CSMD3: variants seen among roughly 807,000 people sequenced by gnomAD.
CSMD3 encodes the protein CUB and sushi domain-containing protein 3.
CSMD3 carries 177 observed loss-of-function variants against 435.2 expected under a neutral mutation model. That is an observed-to-expected ratio of 0.41 (90% CI 0.36 to 0.46). CSMD3 has a LOEUF of 0.46. Among genes scored for constraint, CSMD3 ranks in the 20% least tolerant of loss-of-function variants. The pLI, the probability that CSMD3 is intolerant of heterozygous loss-of-function variation, is 0.34. For synonymous variants in CSMD3, 1,656 were observed against 1,520.5 expected, an observed-to-expected ratio of 1.09 and a Z score of -2.07; for missense variants, 4,265 against 4,504.6, an observed-to-expected ratio of 0.95 and a Z score of 1.52.
At chr8:113,320,823 G>C (rs118055737) in intron 1 of CSMD3, among the ~76,000 whole-genome samples, 2 of 151,992 alleles carry the variant, frequency 1.3e-5, no homozygotes, top group Non-Finnish European at 2.9e-5. Context: ...AGCAACCACA[G>C]ATATAGCTGT....
chr8:113,403,902 T>C (rs1391447259), intron 1 of CSMD3, among the ~76,000 whole-genome samples: 2 of 151,384 alleles, frequency 1.3e-5, no homozygotes, highest in Non-Finnish European at 3.0e-5. Context: ...ATTTTATGAG[T>C]CACTCAAATG....
chr8:112,868,681 A>C (rs1456989077), intron 10 of CSMD3, among the ~76,000 whole-genome samples: 1 of 152,162 alleles, frequency 6.6e-6, no homozygotes, highest in Non-Finnish European at 1.5e-5. Context: ...ATAATGAAAC[A>C]GAACAGAAAG....
At chr8:112,999,704 T>C (rs1220132247) in intron 6 of CSMD3, among the ~76,000 whole-genome samples, 2 of 151,530 alleles carry the variant, frequency 1.3e-5, no homozygotes, top group African/African-American at 4.8e-5. Context: ...GTGTTTAAAA[T>C]GCAGGTGGAG....
chr8:113,262,947 A>G (rs184983843), intron 3 of CSMD3, among the ~76,000 whole-genome samples: 12 of 152,156 alleles, frequency 7.9e-5, no homozygotes, highest in Admixed American at 7.9e-4. Flanking sequence ...TTAATCCTCT[A>G]AATTGTGGTC....
chr8:113,136,117 T>A (rs2091412787), intron 4 of CSMD3, among the ~76,000 whole-genome samples: 1 of 151,720 alleles, frequency 6.6e-6, no homozygotes, highest in African/African-American at 2.4e-5. Flanking sequence ...ACAAATTAAG[T>A]ATGAGTTCAG....
intron 24 of CSMD3, among the ~76,000 whole-genome samples, chr8:112,565,051 C>T (rs1299621719): frequency 7.2e-5 from 11 of 151,866 alleles, no homozygotes; most frequent in Admixed American, 6.6e-5. Flanking sequence ...AATAATGATA[C>T]TTTTATTATT....
chr8:113,211,878 T>C (rs1051872595), intron 3 of CSMD3, among the ~76,000 whole-genome samples: 12 of 152,224 alleles, frequency 7.9e-5, no homozygotes, highest in African/African-American at 1.7e-4. Context: ...GATTTTGATG[T>C]AGGCTATCTC....
chr8:112,559,544 G>C (rs1279914190), intron 24 of CSMD3, among the ~76,000 whole-genome samples: 1 of 151,816 alleles, frequency 6.6e-6, no homozygotes, highest in African/African-American at 2.4e-5. Context: ...AGCTGACACA[G>C]ACATCATCAT....
At chr8:112,893,883 T>C (rs1483786171) in intron 10 of CSMD3, among the ~76,000 whole-genome samples, 1 of 151,420 alleles carries the variant, frequency 6.6e-6, no homozygotes. Context: ...ACTCTTCCAA[T>C]GGATATGAAA....
intron 3 of CSMD3, among the ~76,000 whole-genome samples, chr8:113,217,464 G>A (rs1193047117): frequency 6.6e-6 from 1 of 151,414 alleles, no homozygotes; most frequent in Non-Finnish European, 1.5e-5. Flanking sequence ...AGGACTTAAA[G>A]GCACAGATAA....
At chr8:113,099,166 TAAC>T (rs2090258154) in intron 4 of CSMD3, among the ~76,000 whole-genome samples, 1 of 152,066 alleles carries the variant, frequency 6.6e-6, no homozygotes, top group Non-Finnish European at 1.5e-5. Flanking sequence ...AAGTATATCT[TAAC>T]AATTTTATAA....
At chr8:113,143,594 T>C (rs768073949) in intron 4 of CSMD3, among the ~76,000 whole-genome samples, 12 of 151,424 alleles carry the variant, frequency 7.9e-5, no homozygotes, top group Non-Finnish European at 1.6e-4. Flanking sequence ...AGTACATTCA[T>C]GTCATCAAAT....
intron 6 of CSMD3, among the ~76,000 whole-genome samples, chr8:113,016,574 GA>G (rs1337169853): frequency 1.3e-5 from 2 of 151,746 alleles, no homozygotes; most frequent in Non-Finnish European, 3.0e-5. Context: ...GAAACCTGCA[GA>G]TTCCTAAAAA....
intron 28 of CSMD3, among the ~76,000 whole-genome samples, chr8:112,514,137 C>T (rs867395029): frequency 7.9e-5 from 12 of 152,224 alleles, no homozygotes; most frequent in Middle Eastern, 3.4e-3. Flanking sequence ...AAGCAATCCT[C>T]CCATCTTAGC....
At chr8:113,347,875 C>G (rs994341848) in intron 1 of CSMD3, among the ~76,000 whole-genome samples, 2 of 151,884 alleles carry the variant, frequency 1.3e-5, no homozygotes, top group African/African-American at 4.8e-5. Context: ...AAGAGAGTAT[C>G]TGAGAGCCCA....
intron 27 of CSMD3, among the ~76,000 whole-genome samples, chr8:112,542,011 C>T (rs767659130): frequency 5.9e-5 from 9 of 151,838 alleles, no homozygotes; most frequent in Non-Finnish European, 1.0e-4. Context: ...TATTTTGATA[C>T]ACCACATTAA....
chr8:112,984,418 G>A (rs1423497092), intron 6 of CSMD3, among the ~76,000 whole-genome samples: 1 of 151,986 alleles, frequency 6.6e-6, no homozygotes, highest in Non-Finnish European at 1.5e-5. Context: ...AACAGATGAT[G>A]TTAAAATTTA....
intron 10 of CSMD3, among the ~76,000 whole-genome samples, chr8:112,904,891 A>G (rs1358755467): frequency 1.3e-5 from 2 of 151,450 alleles, no homozygotes; most frequent in African/African-American, 2.4e-5. Context: ...TAAAGTAGAC[A>G]CTGATGTTGA....
chr8:112,451,434 T>A (rs1318391674), intron 32 of CSMD3, among the ~76,000 whole-genome samples: 1 of 152,174 alleles, frequency 6.6e-6, no homozygotes, highest in African/African-American at 2.4e-5. Flanking sequence ...CAATATGATT[T>A]AAAAGTAAAA....
Sources: allele counts gnomAD v4.1 joint callset (sites outside exome capture counted in the v4.1 genomes callset), GRCh38; gene constraint gnomAD v4.1.1; transcripts MANE v1.5; gene names NCBI Gene and HGNC (gene_info 2026-07-23, HGNC 2026-07-21).